The following CSNK2A2 variants were observed in gnomAD, a reference collection of about 807,000 sequenced individuals.
CSNK2A2 encodes casein kinase II subunit alpha'.
In CSNK2A2, 8 loss-of-function variants were observed where a neutral mutation model predicts 54.0. The ratio of observed to expected loss-of-function variants is 0.15; its 90% CI spans 0.09 to 0.27. The LOEUF is 0.27. Among genes scored for constraint, CSNK2A2 ranks in the 10% least tolerant of loss-of-function variants. CSNK2A2 has a pLI of 1.00. For missense variants in CSNK2A2, 242 were observed against 439.4 expected (o/e 0.55, Z 4.02); for synonymous variants, 141 against 153.9 (o/e 0.92, Z 0.62).
At chr16:58,193,645 A>G (rs1319477991) in intron 2 of CSNK2A2, among the ~76,000 whole-genome samples, 1 of 152,256 alleles carries the variant, frequency 6.6e-6, no homozygotes, top group Non-Finnish European at 1.5e-5. Flanking sequence ...TATTCATAAA[A>G]TGCTAAAAGT....
chr16:58,191,865 C>T (rs1353706191), intron 2 of CSNK2A2, among the ~76,000 whole-genome samples: 8 of 152,026 alleles, frequency 5.3e-5, no homozygotes, highest in Non-Finnish European at 1.0e-4. Context: ...CACATTTAAC[C>T]GTCTTAGATG....
chr16:58,179,289 A>G (rs1401536144), intron 4 of CSNK2A2, among the ~76,000 whole-genome samples: 1 of 151,572 alleles, frequency 6.6e-6, no homozygotes, highest in Non-Finnish European at 1.5e-5. Flanking sequence ...CACCTGAGGT[A>G]AGGGGTTCAA....
chr16:58,181,226 C>T (rs1208724754), intron 4 of CSNK2A2, among the ~76,000 whole-genome samples: 3 of 152,158 alleles, frequency 2.0e-5, no homozygotes, highest in African/African-American at 7.2e-5. Context: ...ATGTCTCTGC[C>T]AACAGCGAAA....
At chr16:58,182,554 CAAAA>C (rs59002536) in intron 4 of CSNK2A2, among the ~76,000 whole-genome samples, 8 of 80,662 alleles carry the variant, frequency 9.9e-5, no homozygotes, top group Non-Finnish European at 2.6e-5. Context: ...GGCTCCGTCT[CAAAA>C]AAAAAAAAAA....
At chr16:58,169,959 T>C (rs113964648) in intron 5 of CSNK2A2, among the ~76,000 whole-genome samples, 3,383 of 151,608 alleles carry the variant, frequency 0.022, 47 homozygotes, top group Middle Eastern at 0.041. Context: ...GGCACGAGAA[T>C]TGCCTGAACC....
In CSNK2A2 at chr16:58,172,066, C is replaced by T. The variant is rs138488605; in HGVS notation, c.429+2385G>A. On this transcript the variant is annotated intron_variant, in intron 5 of 11. Transcript: ENST00000262506. ...TGAACTCCTGAGCTCAAGCAATCAACCTGCCTTGGCCTCCCGAAGCATTGG... is the reference window on the plus strand; with the variant it reads ...TGAACTCCTGAGCTCAAGCAATCAATCTGCCTTGGCCTCCCGAAGCATTGG... Among the ~76,000 whole-genome samples, 426 of 145,886 alleles carry T rather than the reference C, an allele frequency of 2.9e-3. 11 individuals carry two copies. The East Asian group carries it at 0.074, about 25-fold the overall frequency.
At chr16:58,186,606 T>C (rs970150800) in intron 3 of CSNK2A2, 149 bp downstream of exon 3, 2 of 565,620 alleles carry the variant, frequency 3.5e-6, no homozygotes, top group African/African-American at 1.9e-5. Flanking sequence ...TGGGTCACCA[T>C]GATTTTTTTC....
chr16:58,197,611 CG>C lies in CSNK2A2; in HGVS notation c.104+21del, dbSNP rs746593736. The C allele has an allele frequency of 6.7e-6, 10 of 1,499,008 alleles. No individual in the cohort carries two copies. The highest frequency in any genetic ancestry group is 2.0e-5 in the Admixed American group (1 of 51,156). 92.9% of individuals were successfully genotyped at this position (1,499,008 alleles called of 1,614,324 possible). On this transcript the variant is annotated intron_variant, in intron 1 of 11. Transcript: ENST00000262506. The surrounding 1 kb of genome is among the most constrained non-coding windows in gnomAD (Gnocchi z 4.0). ...CGGGGGCAGGGATCAGCGGGCCCGG[CG>C]GGGGGCGGCGACGGCTTTACCCCCA...
chr16:58,188,125 T>C (rs532419073), intron 2 of CSNK2A2, among the ~76,000 whole-genome samples: 1 of 152,272 alleles, frequency 6.6e-6, no homozygotes, highest in South Asian at 2.1e-4. Flanking sequence ...GATACAGCTT[T>C]GAACACATAA....
At position 58,167,894 on chromosome 16, in the gene CSNK2A2, C is replaced by A. The variant is rs906793819; in HGVS notation, c.514-99G>T. On this transcript the variant is annotated intron_variant, in intron 6 of 11. Coordinates refer to ENST00000262506, the MANE Select transcript of CSNK2A2 (RefSeq NM_001896.4). ...ACATTAGGTAACAATCATTTGGCCACACAAAAAATGTGAGCAGGTGCACTG... is the reference window on the plus strand; with the variant it reads ...ACATTAGGTAACAATCATTTGGCCAAACAAAAAATGTGAGCAGGTGCACTG... The A allele has an allele frequency of 3.9e-5, 36 of 919,008 alleles. No individual in the cohort carries two copies. The African/African-American group carries it at 4.6e-4, about 12-fold the overall frequency. 56.9% of individuals were successfully genotyped at this position (919,008 alleles called of 1,614,324 possible). A position where few individuals can be genotyped will look rare whatever the true frequency, so the allele number is the denominator to read the frequency against.
intron 4 of CSNK2A2, among the ~76,000 whole-genome samples, chr16:58,179,017 A>G (rs939744888): frequency 6.6e-6 from 1 of 152,216 alleles, no homozygotes; most frequent in African/African-American, 2.4e-5. Flanking sequence ...AATTATAGAG[A>G]AACTTTTGAG....
rs1262543075 is a variant in CSNK2A2 at position 58,197,795 on chromosome 16, G to A, written c.-59C>T. On this transcript the variant is annotated 5_prime_UTR_variant, in exon 1 of 12. Coordinates refer to ENST00000262506, the MANE Select transcript of CSNK2A2 (RefSeq NM_001896.4). This position sits in a 1 kb window ranked among gnomAD's most constrained non-coding sequence, Gnocchi z 4.0. The stretch of plus-strand genomic sequence containing the variant: ...GAGGGTGGCGGCGGCGGCGCGGCGG[G>A]GGACGCGGGGCGTCGGGCGGAGGAG... 4.8e-6 allele frequency: 2 copies of A among 420,708 alleles called. No individual in the cohort carries two copies. The highest frequency in any genetic ancestry group is 6.7e-5 in the Admixed American group (1 of 15,010). 26.1% of individuals were successfully genotyped at this position (420,708 alleles called of 1,614,324 possible).
intron 2 of CSNK2A2, among the ~76,000 whole-genome samples, chr16:58,188,045 A>T (rs568426209): frequency 1.7e-3 from 242 of 142,528 alleles, no homozygotes; most frequent in East Asian, 3.1e-3. Flanking sequence ...GGGGTGGGGA[A>T]GGGGAGGGGA....
intron 2 of CSNK2A2, among the ~76,000 whole-genome samples, chr16:58,190,573 A>C (rs758940793): frequency 7.2e-5 from 11 of 152,326 alleles, no homozygotes; most frequent in South Asian, 2.1e-4. Flanking sequence ...TTTTCCTCTA[A>C]TCTTTCAAGT....
At chr16:58,176,137 T>TTC (rs1961872241) in intron 4 of CSNK2A2, among the ~76,000 whole-genome samples, 1 of 152,206 alleles carries the variant, frequency 6.6e-6, no homozygotes, top group Non-Finnish European at 1.5e-5. Context: ...TCACAGAGAC[T>TTC]AGGCTAAATT....
intron 2 of CSNK2A2, among the ~76,000 whole-genome samples, chr16:58,191,630 T>A (rs190478290): frequency 6.6e-6 from 1 of 152,310 alleles, no homozygotes; most frequent in African/African-American, 2.4e-5. Flanking sequence ...ACCAAAGGGC[T>A]GGGATTACAG....
chr16:58,165,785 C>T lies in CSNK2A2; in HGVS notation c.828-77G>A, dbSNP rs567139694. 1.4e-5 allele frequency: 21 copies of T among 1,463,146 alleles called. No homozygotes were observed. In the East Asian group the frequency reaches 4.4e-4, roughly 30 times the overall value. 90.6% of individuals were successfully genotyped at this position (1,463,146 alleles called of 1,614,324 possible). ...CCTTATCTACTAGGGCTAAAGCCAACAAAATCTCAGAATAATGTACTGATT... is the reference window on the plus strand; with the variant it reads ...CCTTATCTACTAGGGCTAAAGCCAATAAAATCTCAGAATAATGTACTGATT... On this transcript the variant is annotated intron_variant, in intron 9 of 11. Transcript: ENST00000262506.
chr16:58,197,522 G>C lies in CSNK2A2; in HGVS notation c.104+111C>G. 1.9e-6 allele frequency: 1 copy of C among 533,688 alleles called. No individual in the cohort carries two copies. Among genetic ancestry groups the C allele is most frequent in the Non-Finnish European group, 3.2e-6 (1 of 315,514 alleles). The allele number at this position is 533,688 out of a possible 1,614,324, so 33.1% of individuals were successfully genotyped here. On this transcript the variant is annotated intron_variant, in intron 1 of 11. Coordinates refer to ENST00000262506, the MANE Select transcript of CSNK2A2 (RefSeq NM_001896.4). This position sits in a 1 kb window ranked among gnomAD's most constrained non-coding sequence, Gnocchi z 4.0. ...GAGCGGGACCTCTGCCTCCCTGCGG[G>C]CCCGCGGAGGGGTCGGCGGGAGACA... is the stretch of plus-strand genomic sequence containing the variant.
intron 5 of CSNK2A2, among the ~76,000 whole-genome samples, chr16:58,170,065 A>G (rs1033390187): frequency 6.6e-6 from 1 of 152,164 alleles, no homozygotes; most frequent in African/African-American, 2.4e-5. Flanking sequence ...ATCATTACAT[A>G]TTATTCCAAG....
Sources: allele counts gnomAD v4.1 joint callset (sites outside exome capture counted in the v4.1 genomes callset), GRCh38; gene constraint gnomAD v4.1.1; non-coding constraint Gnocchi (gnomAD v3.1); transcripts MANE v1.5; gene names NCBI Gene and HGNC (gene_info 2026-07-23, HGNC 2026-07-21).